Variants in CCDC136 observed in about 807,000 individuals in gnomAD.
CCDC136 encodes coiled-coil domain containing 136, also known as coiled-coil domain-containing protein 136.
Under a neutral mutation model 141.2 loss-of-function variants are expected in CCDC136, and 100 were observed. The observed-to-expected ratio is 0.71, with a 90% confidence interval of 0.60 to 0.84. The LOEUF is 0.84. Among genes scored for constraint, CCDC136 ranks in the 40% least tolerant of loss-of-function variants. The probability of loss-of-function intolerance (pLI) is 0.00; values close to 1 mark genes in which losing one functional copy is unlikely to be tolerated. For synonymous variants in CCDC136, 474 were observed against 531.9 expected, an observed-to-expected ratio of 0.89 and a Z score of 1.50; for missense variants, 1,206 against 1,379.4, an observed-to-expected ratio of 0.87 and a Z score of 1.99.
chr7:128,802,592 T>C (rs1804217442), intron 4 of CCDC136, among the ~76,000 whole-genome samples: 1 of 152,170 alleles, frequency 6.6e-6, no homozygotes, highest in South Asian at 2.1e-4. Flanking sequence ...TAAAACCTTA[T>C]AGCTAGATGG....
chr7:128,794,878 G>C lies in CCDC136; in HGVS notation c.346+110G>C. 1 of 804,014 alleles carries C rather than the reference G, an allele frequency of 1.2e-6. No homozygotes were observed. The highest frequency in any genetic ancestry group is 1.6e-5 in the South Asian group (1 of 61,186). 49.8% of individuals were successfully genotyped at this position (804,014 alleles called of 1,614,324 possible). On this transcript the variant is annotated intron_variant, in intron 3 of 17. Coordinates refer to ENST00000297788, the MANE Select transcript of CCDC136 (RefSeq NM_022742.5). This position sits in a 1 kb window ranked among gnomAD's most constrained non-coding sequence, Gnocchi z 4.3. ...CAGCAGATAAAAATAACCAAATTCA[G>C]TAATTTCACCTCATTTTCCTCTACT...
Position 128,794,910 on chromosome 7 carries a change from A to C in CCDC136, c.346+142A>C. 1 of 655,236 alleles carries C rather than the reference A, an allele frequency of 1.5e-6. No homozygotes were observed. The highest frequency in any genetic ancestry group is 2.7e-6 in the Non-Finnish European group (1 of 369,400). 40.6% of individuals were successfully genotyped at this position (655,236 alleles called of 1,614,324 possible). A position where few individuals can be genotyped will look rare whatever the true frequency, so the allele number is the denominator to read the frequency against. ...CACCTCATTTTCCTCTACTAGTCTC[A>C]CCCTTTTCCTCTCCTTGTCTCTCCA... On this transcript the variant is annotated intron_variant, in intron 3 of 17. Transcript: ENST00000297788. The surrounding 1 kb of genome is among the most constrained non-coding windows in gnomAD (Gnocchi z 4.3).
chr7:128,812,670 TC>T (rs1452390438), intron 13 of CCDC136, 37 bp from the exon 14 acceptor site: 2 of 1,510,172 alleles, frequency 1.3e-6, no homozygotes, highest in Non-Finnish European at 1.8e-6. Flanking sequence ...GCTTAGGTGC[TC>T]CTCAGGGTGC....
rs528691541 is a variant in CCDC136, at chr7:128,812,751, C to T, written c.2585C>T (p.Ala862Val). ...GTGAAAGTGCTGATCAAGCTGCAGG[C>T]GGTGCAGGCCATGTACCAGATAAGC... ...MVVKVLIKLQAVQAMYQISQE... is the reference protein window; with the variant it reads ...MVVKVLIKLQVVQAMYQISQE... The change falls in exon 14 of 18, where the codon GCG (alanine) becomes GTG (valine). Residue 862 changes from alanine (A) to valine (V), a missense_variant. Physicochemically the swap from Ala to Val is moderately conservative, Grantham distance 64. Transcript: ENST00000297788. The T allele has an allele frequency of 7.2e-5, 116 of 1,613,430 alleles. 1 individual carries two copies. The South Asian group carries it at 1.1e-3, about 15-fold the overall frequency.
chr7:128,806,207 A>T (rs1213425692), intron 7 of CCDC136, 30 bp from the exon 8 acceptor site: 2 of 1,512,376 alleles, frequency 1.3e-6, no homozygotes, highest in East Asian at 4.9e-5. Flanking sequence ...CTTGAGAGTA[A>T]CTGTTCTACT....
At chr7:128,811,738 G>A (rs1805750237) in intron 12 of CCDC136, 62 bp from the exon 13 acceptor site, 2 of 1,437,658 alleles carry the variant, frequency 1.4e-6, no homozygotes, top group Non-Finnish European at 1.9e-6. Context: ...TACCAGGAGA[G>A]GTGCAGCTGG....
chr7:128,793,109 G>A (rs1351755533), intron 1 of CCDC136, among the ~76,000 whole-genome samples: 2 of 152,236 alleles, frequency 1.3e-5, no homozygotes, highest in Non-Finnish European at 2.9e-5. Context: ...TTGAACCTAA[G>A]GCTGCTGATA....
At chr7:128,806,550 C>A in intron 8 of CCDC136, 138 bp from the exon 9 acceptor site, 1 of 1,046,866 alleles carries the variant, frequency 9.6e-7, no homozygotes, top group Non-Finnish European at 1.4e-6. Flanking sequence ...TCGAGTACTA[C>A]ATTAGATATG....
rs767143580 is a variant in CCDC136 at position 128,814,838 on chromosome 7, C to T, written c.2964C>T (p.Asn988=). The part of the protein sequence containing the change: ...ARGKNANKNM[N]KNANGVKMKK... ...GGAAGAATGCTAATAAGAACATGAA[C>T]AAGAATGCCAATGGGGTTAAAATGA... is the stretch of plus-strand genomic sequence containing the variant. The change falls in exon 15 of 18, where the codon AAC becomes AAT. Residue 988 remains asparagine (N), a synonymous_variant. Transcript: ENST00000297788. 1.6e-5 allele frequency: 25 copies of T among 1,609,972 alleles called. No individual in the cohort carries two copies. Among genetic ancestry groups the T allele is most frequent in the Non-Finnish European group, 2.0e-5 (23 of 1,178,134 alleles).
rs751695751 is a variant in CCDC136, at chr7:128,815,948, C to T, written c.3363+17C>T. On this transcript the variant is annotated intron_variant, in intron 16 of 17. Transcript: ENST00000297788. Reference sequence around the variant, plus strand: ...AGCAAAAAGGTAACCAGAGCCAAAGCCTAGATCAAGTGGGAAGTGGGGTCT... The same window carrying T: ...AGCAAAAAGGTAACCAGAGCCAAAGTCTAGATCAAGTGGGAAGTGGGGTCT... 8.8e-6 allele frequency: 14 copies of T among 1,596,064 alleles called. No homozygotes were observed. Among genetic ancestry groups the T allele is most frequent in the Non-Finnish European group, 1.1e-5 (13 of 1,171,568 alleles).
chr7:128,793,208 G>A (rs897400130), intron 1 of CCDC136, among the ~76,000 whole-genome samples: 3 of 152,258 alleles, frequency 2.0e-5, no homozygotes, highest in African/African-American at 7.2e-5. Context: ...TAGGGACTGC[G>A]TTGCAGTAAA....
intron 3 of CCDC136, among the ~76,000 whole-genome samples, chr7:128,800,893 T>C (rs1803920783): frequency 6.6e-6 from 1 of 152,234 alleles, no homozygotes; most frequent in African/African-American, 2.4e-5. Flanking sequence ...GTCAGGTGAT[T>C]CCTTAGAAGC....
In CCDC136 at chr7:128,810,166, G is replaced by A; in HGVS notation, c.1828G>A (p.Asp610Asn). The change falls in exon 12 of 18, where the codon GAC (aspartate) becomes AAC (asparagine). Residue 610 changes from aspartate (D) to asparagine (N), a missense_variant. Coordinates refer to ENST00000297788, the MANE Select transcript of CCDC136 (RefSeq NM_022742.5). Reference sequence around the variant, plus strand: ...TCAGGAGCTACTCACCAAGTTAGAAGACCTGTGTGAGCTGCAGCTGCTCTA... The same window carrying A: ...TCAGGAGCTACTCACCAAGTTAGAAAACCTGTGTGAGCTGCAGCTGCTCTA... ...KSQELLTKLEDLCELQLLYQG... is the reference protein window; with the variant it reads ...KSQELLTKLENLCELQLLYQG... 1 of 1,599,640 alleles carries A rather than the reference G, an allele frequency of 6.3e-7. No individual in the cohort carries two copies. The highest frequency in any genetic ancestry group is 8.5e-7 in the Non-Finnish European group (1 of 1,172,828).
At chr7:128,819,665 T>C (rs1807170840) in intron 17 of CCDC136, among the ~76,000 whole-genome samples, 1 of 152,200 alleles carries the variant, frequency 6.6e-6, no homozygotes, top group Non-Finnish European at 1.5e-5. Flanking sequence ...TCCTATTTTT[T>C]TTTATATATG....
chr7:128,820,841 C>A (rs1807348772), intron 17 of CCDC136, among the ~76,000 whole-genome samples: 1 of 152,156 alleles, frequency 6.6e-6, no homozygotes, highest in Non-Finnish European at 1.5e-5. Context: ...AGGAGATTTT[C>A]TTTGCTCTTT....
At chr7:128,806,199 T>C in intron 7 of CCDC136, 38 bp from the exon 8 acceptor site, 5 of 1,499,252 alleles carry the variant, frequency 3.3e-6, no homozygotes, top group Non-Finnish European at 4.5e-6. Flanking sequence ...TGCTGTTTCT[T>C]GAGAGTAACT....
rs772873471 is a variant in CCDC136, at chr7:128,812,752, G to A, written c.2586G>A (p.Ala862=). 7 of 1,613,452 alleles carry A rather than the reference G, an allele frequency of 4.3e-6. No homozygotes were observed. Among genetic ancestry groups the A allele is most frequent in the Non-Finnish European group, 5.9e-6 (7 of 1,179,824 alleles). Residue 862 remains alanine (A), a synonymous_variant, in exon 14 of 18, where the codon GCG becomes GCA. Coordinates refer to ENST00000297788, the MANE Select transcript of CCDC136 (RefSeq NM_022742.5). ...TGAAAGTGCTGATCAAGCTGCAGGC[G>A]GTGCAGGCCATGTACCAGATAAGCC... ...MVVKVLIKLQ[A]VQAMYQISQE... is the part of the protein sequence containing the mutation.
At chr7:128,799,540 C>G (rs1262192260) in intron 3 of CCDC136, among the ~76,000 whole-genome samples, 1 of 151,390 alleles carries the variant, frequency 6.6e-6, no homozygotes, top group African/African-American at 2.4e-5. Flanking sequence ...TGCTCTCTGC[C>G]TCGATAAAGC....
At position 128,807,407 on chromosome 7, in the gene CCDC136, G is replaced by C. The variant is rs369048158; in HGVS notation, c.1467G>C (p.Gln489His). Residue 489 changes from glutamine to histidine, a missense_variant, in exon 10 of 18, where the codon CAG becomes CAC. Physicochemically the swap from Gln to His is conservative, Grantham distance 24 (BLOSUM62 0). Transcript: ENST00000297788. The part of the protein sequence containing the change: ...AQLQEMKQLY[Q>H]ASKDELERQK... Reference sequence around the variant, plus strand: ...TTCAGGAGATGAAGCAGCTGTACCAGGCCAGCAAGGACGAGCTGGAGCGGC... The same window carrying C: ...TTCAGGAGATGAAGCAGCTGTACCACGCCAGCAAGGACGAGCTGGAGCGGC... 1 of 1,583,650 alleles carries C rather than the reference G, an allele frequency of 6.3e-7. No homozygotes were observed. The highest frequency in any genetic ancestry group is 2.3e-5 in the East Asian group (1 of 42,656).
Sources: gnomAD v4.1 joint callset for allele counts (sites outside exome capture counted in the v4.1 genomes callset) on GRCh38, gnomAD v4.1.1 for gene constraint, Gnocchi (gnomAD v3.1) non-coding constraint, MANE v1.5 for transcripts, NCBI Gene and HGNC (gene_info 2026-07-23, HGNC 2026-07-21) for gene names.